MGA: variants seen among roughly 807,000 people sequenced by gnomAD.
The protein encoded by MGA is MAX gene-associated protein.
MGA carries 40 observed loss-of-function variants against 261.1 expected under a neutral mutation model. That is an observed-to-expected ratio of 0.15 (90% CI 0.12 to 0.20). The LOEUF is 0.20. Among genes scored for constraint, MGA ranks in the 10% least tolerant of loss-of-function variants. The probability of loss-of-function intolerance (pLI) is 1.00; values close to 1 mark genes in which losing one functional copy is unlikely to be tolerated. For missense variants in MGA, 3,397 were observed against 3,630.5 expected (o/e 0.94, Z 1.65); for synonymous variants, 1,302 against 1,290.6 (o/e 1.01, Z -0.19).
At chr15:41,702,850 A>G (rs187931494) in intron 5 of MGA, among the ~76,000 whole-genome samples, 120 of 152,270 alleles carry the variant, frequency 7.9e-4, no homozygotes, top group Non-Finnish European at 1.6e-3. Flanking sequence ...TACCAAGTCA[A>G]TTATTGTCAG....
chr15:41,694,242 C>T (rs545653990), intron 2 of MGA, among the ~76,000 whole-genome samples: 1 of 151,884 alleles, frequency 6.6e-6, no homozygotes, highest in Non-Finnish European at 1.5e-5. Flanking sequence ...ATGGTAAAAC[C>T]CTATCTCTAC....
chr15:41,754,665 T>A (rs981494008), intron 18 of MGA, 98 bp downstream of exon 18: 28 of 1,311,610 alleles, frequency 2.1e-5, no homozygotes, highest in Non-Finnish European at 2.7e-5. Context: ...CTCATCTGGT[T>A]CCTTCTTCCT....
rs200983766 is a variant in MGA at position 41,733,288 on chromosome 15, TA to T, written c.3844-1224del. On this transcript the variant is annotated intron_variant, in intron 11 of 23. Coordinates refer to ENST00000219905, the MANE Select transcript of MGA (RefSeq NM_001164273.2). ...TCTACTTTCTTAACTTGCTTTCACTTAAAAAAAAAATTGGAACTAAGGAAAG... is the reference window on the plus strand; with the variant it reads ...TCTACTTTCTTAACTTGCTTTCACTTAAAAAAAAATTGGAACTAAGGAAAG... Among the ~76,000 whole-genome samples the T allele has an allele frequency of 6.7e-5, 10 of 149,946 alleles. 1 individual carries two copies. In the South Asian group the frequency reaches 2.1e-3, roughly 32 times the overall value.
chr15:41,639,067 A>G (rs772355169), intron 1 of MGA, among the ~76,000 whole-genome samples: 4 of 152,106 alleles, frequency 2.6e-5, no homozygotes, highest in African/African-American at 4.8e-5. Flanking sequence ...TCCAGGTCTC[A>G]AGTGATCTCA....
chr15:41,729,499 G>A, intron 11 of MGA, 150 bp downstream of exon 11: 2 of 781,784 alleles, frequency 2.6e-6, no homozygotes, highest in Non-Finnish European at 4.0e-6. Flanking sequence ...TGTACCTATT[G>A]TATGATACGT....
At chr15:41,621,383 G>A (rs2056275621) in intron 1 of MGA, 1 of 152,282 alleles carries the variant, frequency 6.6e-6, no homozygotes, top group Non-Finnish European at 1.5e-5. Context: ...GAAAAGGATG[G>A]CCCTCTAACT....
At chr15:41,755,406 G>T (rs2063090182) in intron 18 of MGA, among the ~76,000 whole-genome samples, 1 of 152,188 alleles carries the variant, frequency 6.6e-6, no homozygotes, top group African/African-American at 2.4e-5. Flanking sequence ...AAACTTGAAA[G>T]AATTTAAATC....
At chr15:41,702,085 C>T (rs2059883419) in intron 5 of MGA, among the ~76,000 whole-genome samples, 1 of 151,978 alleles carries the variant, frequency 6.6e-6, no homozygotes, top group Admixed American at 6.6e-5. Context: ...TTTGAGAGGC[C>T]AAGGCGGGTG....
intron 1 of MGA, among the ~76,000 whole-genome samples, chr15:41,644,346 C>CAA (rs34743222): frequency 2.2e-3 from 145 of 65,486 alleles, no homozygotes; most frequent in African/African-American, 3.9e-3. Flanking sequence ...CCATCTGTAC[C>CAA]AAAAAAAAAA....
At chr15:41,698,785 G>A (rs891176673) in intron 3 of MGA, 78 bp from the exon 4 acceptor site, 18 of 1,162,974 alleles carry the variant, frequency 1.5e-5, no homozygotes, top group Admixed American at 1.4e-4. Flanking sequence ...TGGTCTTTAA[G>A]TTTTTTTTAA....
chr15:41,711,056 C>T lies in MGA; in HGVS notation c.2791C>T (p.His931Tyr). The change falls in exon 8 of 24, where the codon CAT becomes TAT. Residue 931 changes from histidine (H) to tyrosine (Y), a missense_variant. Around this residue, in one of 9 missense-constraint regions of MGA, gnomAD observed 519 missense variants for 554.1 expected, o/e 0.94. Coordinates refer to ENST00000219905, the MANE Select transcript of MGA (RefSeq NM_001164273.2). ...TGTTTCACCAAAGCAGAAATACTCT[C>T]ATGTGATTCTAGGAGATAAGGTTAC... 6.2e-7 allele frequency: 1 copy of T among 1,614,044 alleles called. No individual in the cohort carries two copies. Among genetic ancestry groups the T allele is most frequent in the South Asian group, 1.1e-5 (1 of 91,080 alleles).
At chr15:41,733,922 C>CTTTTTTTT (rs143496306) in intron 11 of MGA, among the ~76,000 whole-genome samples, 8 of 145,234 alleles carry the variant, frequency 5.5e-5, no homozygotes, top group Non-Finnish European at 7.5e-5. Flanking sequence ...TTGTTTCTTT[C>CTTTTTTTT]TTTTTTTTTT....
intron 2 of MGA, among the ~76,000 whole-genome samples, chr15:41,681,777 A>T (rs924880809): frequency 5.3e-5 from 8 of 151,988 alleles, no homozygotes; most frequent in Admixed American, 5.2e-4. Context: ...ATGTTATGAG[A>T]TAAATATTCT....
intron 7 of MGA, 51 bp from the exon 8 acceptor site, chr15:41,710,640 C>T: frequency 1.4e-6 from 2 of 1,480,432 alleles, no homozygotes; most frequent in African/African-American, 2.8e-5. Context: ...TATGGAGATT[C>T]ATAAATCTGT....
In MGA at chr15:41,741,279, A is replaced by C. The variant is rs966700535; in HGVS notation, c.4585+1076A>C. Among the ~76,000 whole-genome samples, 10 of 142,728 alleles carry C rather than the reference A, an allele frequency of 7.0e-5. No individual in the cohort carries two copies. The East Asian group carries it at 2.1e-3, about 30-fold the overall frequency. The allele number at this position is 142,728 out of a possible 152,430, so 93.6% of individuals were successfully genotyped here. On this transcript the variant is annotated intron_variant, in intron 14 of 23. Transcript: ENST00000219905. ...GGAGAATCACTTGAACCCGGGAGGC[A>C]GAGGTTGCAGTAATCCGAAATCGTG...
At chr15:41,745,093 T>G (rs1184213405) in intron 15 of MGA, among the ~76,000 whole-genome samples, 1 of 151,972 alleles carries the variant, frequency 6.6e-6, no homozygotes, top group African/African-American at 2.4e-5. Context: ...TGACCAGGCT[T>G]GTGTTAAACT....
chr15:41,655,766 G>A (rs2057154053), upstream of MGA, among the ~76,000 whole-genome samples: 2 of 152,138 alleles, frequency 1.3e-5, no homozygotes, highest in Non-Finnish European at 2.9e-5. Flanking sequence ...AATAATTTGG[G>A]ATAAGAGTCA....
chr15:41,716,291 C>CAAA (rs879551084), intron 9 of MGA, among the ~76,000 whole-genome samples: 9 of 135,346 alleles, frequency 6.6e-5, no homozygotes, highest in East Asian at 2.1e-4. Flanking sequence ...ACTAAAAATA[C>CAAA]AAAAAAAAAA....
intron 5 of MGA, among the ~76,000 whole-genome samples, chr15:41,701,153 A>G (rs557910693): frequency 1.1e-4 from 17 of 152,174 alleles, no homozygotes; most frequent in South Asian, 4.1e-4. Context: ...TTTAAATAAT[A>G]TTATCTTATT....
Sources: gnomAD v4.1 joint callset for allele counts (sites outside exome capture counted in the v4.1 genomes callset) on GRCh38, gnomAD v4.1.1 for gene constraint, gnomAD v4.1.1 regional missense constraint, MANE v1.5 for transcripts, NCBI Gene and HGNC (gene_info 2026-07-23, HGNC 2026-07-21) for gene names.